The following SKIL variants were observed in gnomAD, a reference collection of about 807,000 sequenced individuals.
SKIL encodes the protein SKI like proto-oncogene.
SKIL carries 20 observed loss-of-function variants against 69.6 expected under a neutral mutation model. The observed-to-expected ratio is 0.29, with a 90% CI of 0.20 to 0.42. The LOEUF is 0.42. Among genes scored for constraint, SKIL ranks in the 10% least tolerant of loss-of-function variants. The pLI, the probability that SKIL is intolerant of heterozygous loss-of-function variation, is 1.00. For missense variants in SKIL, 745 were observed against 783.1 expected (o/e 0.95, Z 0.58); for synonymous variants, 310 against 279.9 (o/e 1.11, Z -1.08).
At chr3:170,358,617 G>C (rs1577402381) in intron 1 of SKIL, 1 of 152,576 alleles carries the variant, frequency 6.6e-6, no homozygotes, top group East Asian at 1.9e-4. Flanking sequence ...TGGTGGCATT[G>C]GTCCTTAATC....
chr3:170,371,019 T>C (rs1736778027), intron 2 of SKIL, among the ~76,000 whole-genome samples: 1 of 152,220 alleles, frequency 6.6e-6, no homozygotes, highest in Non-Finnish European at 1.5e-5. Flanking sequence ...TAGTCTATGT[T>C]AAATTTTTTT....
chr3:170,380,319 T>C (rs1384150727), intron 2 of SKIL, among the ~76,000 whole-genome samples: 1 of 152,190 alleles, frequency 6.6e-6, no homozygotes, highest in Non-Finnish European at 1.5e-5. Context: ...AATTTTCCAG[T>C]GCTATACCTT....
intron 3 of SKIL, among the ~76,000 whole-genome samples, chr3:170,382,945 C>G (rs1737439594): frequency 1.3e-5 from 2 of 152,008 alleles, no homozygotes; most frequent in Admixed American, 1.3e-4. Flanking sequence ...TCTCGAACTC[C>G]TGACCTCAAG....
chr3:170,367,847 G>GA (rs1394316685), intron 2 of SKIL, among the ~76,000 whole-genome samples: 6 of 152,160 alleles, frequency 3.9e-5, no homozygotes, highest in African/African-American at 1.4e-4. Context: ...ACTTAGGGGG[G>GA]AAAAATCTCT....
intron 4 of SKIL, among the ~76,000 whole-genome samples, chr3:170,387,652 G>A (rs1176686375): frequency 1.3e-4 from 20 of 150,958 alleles, no homozygotes; most frequent in African/African-American, 3.9e-4. Flanking sequence ...GGCCGGGCGC[G>A]GTGGCTCACG....
chr3:170,378,553 C>CTTTTT lies in SKIL; in HGVS notation c.1099-2680_1099-2676dup, dbSNP rs373084445. Reference sequence around the variant, plus strand: ...TGGGAATTGGACTCTCTCTCTCTCTCTTTTTTTTTTTTTTTGGAGACAAAG... The same window carrying CTTTTT: ...TGGGAATTGGACTCTCTCTCTCTCTCTTTTTTTTTTTTTTTTTTTTGGAGACAAAG... On this transcript the variant is annotated intron_variant, in intron 2 of 6. Transcript: ENST00000259119. Among the ~76,000 whole-genome samples, 127 of 119,010 alleles carry CTTTTT rather than the reference C, an allele frequency of 1.1e-3. 13 individuals are homozygous for CTTTTT. In the South Asian group the frequency reaches 0.014, roughly 13 times the overall value. The allele number at this position is 119,010 out of a possible 152,430, so 78.1% of individuals were successfully genotyped here.
In SKIL at chr3:170,381,301, G is replaced by A. The variant is rs1337332281; in HGVS notation, c.1156G>A (p.Gly386Ser). ...ATGGTATCCTGTTATAAAGCAGGAA[G>A]GTGACCATGTTTCTCAGACACATTC... Reference protein sequence around the residue: ...QSWYPVIKQEGDHVSQTHSFL... With the variant: ...QSWYPVIKQESDHVSQTHSFL... The change falls in exon 3 of 7, where the codon GGT becomes AGT. Residue 386 changes from glycine to serine, a missense_variant. Transcript: ENST00000259119. 6.3e-7 allele frequency: 1 copy of A among 1,598,946 alleles called. No individual in the cohort carries two copies.
At chr3:170,392,238 A>C in intron 6 of SKIL, 21 bp from the exon 7 acceptor site, 2 of 1,555,494 alleles carry the variant, frequency 1.3e-6, no homozygotes, top group Non-Finnish European at 1.7e-6. Context: ...TAAAATTGAT[A>C]GCGCCTTTTA....
chr3:170,384,037 CAA>C (rs58541525), intron 3 of SKIL, among the ~76,000 whole-genome samples: 246 of 71,004 alleles, frequency 3.5e-3, no homozygotes, highest in Middle Eastern at 9.8e-3. Flanking sequence ...AATTACTTGC[CAA>C]AAAAAAAAAA....
In SKIL at chr3:170,360,033, T is replaced by A. The variant is rs185778433; in HGVS notation, c.-299T>A. On this transcript the variant is annotated 5_prime_UTR_variant, in exon 2 of 7. Transcript: ENST00000259119. ...TTAATTGAGAAATTGGTAACTTTAT[T>A]TTAATATGTATATCTGAAGAATTCA... is the stretch of plus-strand genomic sequence containing the variant. The A allele has an allele frequency of 1.2e-3, 289 of 242,328 alleles. No homozygotes were observed. Among genetic ancestry groups the A allele is most frequent in the African/African-American group, 5.9e-3 (264 of 44,610 alleles). The allele number at this position is 242,328 out of a possible 1,614,324, so 15.0% of individuals were successfully genotyped here. A position where few individuals can be genotyped will look rare whatever the true frequency, so the allele number is the denominator to read the frequency against.
intron 2 of SKIL, among the ~76,000 whole-genome samples, chr3:170,368,627 G>C (rs1736656342): frequency 6.6e-6 from 1 of 152,124 alleles, no homozygotes; most frequent in African/African-American, 2.4e-5. Context: ...TTATGTATTT[G>C]AGGAGTCCTC....
rs1738108208 is a variant in SKIL at position 170,394,762 on chromosome 3, A to G, written c.*2345A>G. ...TTCCTTGAAAATAGTTTTTTAAGTC[A>G]ATTGTAAATATACGTATTATTGTTA... On this transcript the variant is annotated 3_prime_UTR_variant, in exon 7 of 7. Transcript: ENST00000259119. 6.6e-6 allele frequency: 1 copy of G among 152,200 alleles called. No homozygotes were observed. The highest frequency in any genetic ancestry group is 1.5e-5 in the Non-Finnish European group (1 of 68,030). The allele number at this position is 152,200 out of a possible 1,614,324, so 9.4% of individuals were successfully genotyped here.
chr3:170,362,504 A>G (rs1736294924), intron 2 of SKIL, among the ~76,000 whole-genome samples: 1 of 139,802 alleles, frequency 7.2e-6, no homozygotes, highest in African/African-American at 2.7e-5. Flanking sequence ...CCATCAAAAA[A>G]CAAAACAAAA....
intron 2 of SKIL, among the ~76,000 whole-genome samples, chr3:170,374,430 C>A (rs1032417192): frequency 1.3e-5 from 2 of 152,136 alleles, no homozygotes. Context: ...TGATCCACTT[C>A]TTTGGCAAGT....
chr3:170,361,821 G>C (rs1212681114), intron 2 of SKIL, among the ~76,000 whole-genome samples: 5 of 150,962 alleles, frequency 3.3e-5, no homozygotes, highest in African/African-American at 1.2e-4. Flanking sequence ...TCCTGACCGC[G>C]TGATCCGCCC....
intron 2 of SKIL, among the ~76,000 whole-genome samples, chr3:170,368,247 C>G (rs186619721): frequency 6.6e-6 from 1 of 152,270 alleles, no homozygotes; most frequent in African/African-American, 2.4e-5. Context: ...AGTTGAGAGT[C>G]AGATGAAGTA....
In SKIL at chr3:170,371,025, T is replaced by G. The variant is rs6764242; in HGVS notation, c.1098+9596T>G. 2.8e-3 allele frequency among the ~76,000 whole-genome samples: 434 copies of G among 152,324 alleles called. 6 individuals carry two copies. Among genetic ancestry groups the G allele is most frequent in the African/African-American group, 9.9e-3 (410 of 41,570 alleles). On this transcript the variant is annotated intron_variant, in intron 2 of 6. Coordinates refer to ENST00000259119, the MANE Select transcript of SKIL (RefSeq NM_005414.5). Reference sequence around the variant, plus strand: ...TGCTTTTTATAGTCTATGTTAAATTTTTTTGTGTGATTATGAAAACAATAT... The same window carrying G: ...TGCTTTTTATAGTCTATGTTAAATTGTTTTGTGTGATTATGAAAACAATAT...
At chr3:170,359,109 A>T (rs1577402982) in intron 1 of SKIL, among the ~76,000 whole-genome samples, 1 of 152,178 alleles carries the variant, frequency 6.6e-6, no homozygotes, top group Non-Finnish European at 1.5e-5. Flanking sequence ...CCCCGGTACT[A>T]CTAATTGAGA....
chr3:170,388,924 C>T (rs1482286088), intron 4 of SKIL, among the ~76,000 whole-genome samples: 1 of 151,834 alleles, frequency 6.6e-6, no homozygotes. Flanking sequence ...GGCTGGAGTA[C>T]AGTGGTGCCA....
Sources: gnomAD v4.1 joint callset for allele counts (sites outside exome capture counted in the v4.1 genomes callset) on GRCh38, gnomAD v4.1.1 for gene constraint, MANE v1.5 for transcripts, NCBI Gene and HGNC (gene_info 2026-07-23, HGNC 2026-07-21) for gene names.